GSE1: variants seen among roughly 807,000 people sequenced by gnomAD.
The protein encoded by GSE1 is genetic suppressor element 1.
In GSE1, 32 loss-of-function variants were observed where a neutral mutation model predicts 112.6. The observed-to-expected ratio is 0.28, with a 90% confidence interval of 0.21 to 0.38. The LOEUF (loss-of-function observed/expected upper bound fraction) is 0.38. GSE1 is among the 10% of genes least tolerant of loss of function. The pLI, the probability that GSE1 is intolerant of heterozygous loss-of-function variation, is 1.00. For missense variants in GSE1, 2,348 were observed against 1,699.2 expected, an observed-to-expected ratio of 1.38 and a Z score of -6.71; for synonymous variants, 1,115 against 735.6, an observed-to-expected ratio of 1.52 and a Z score of -8.35.
At chr16:85,195,347 A>C (rs2074906405) in intron 1 of GSE1, among the ~76,000 whole-genome samples, 2 of 152,114 alleles carry the variant, frequency 1.3e-5, no homozygotes, top group Non-Finnish European at 2.9e-5. Flanking sequence ...GAGAGGAGGA[A>C]ATCAGCAAGA....
chr16:85,294,457 A>T (rs889364045), intron 1 of GSE1, among the ~76,000 whole-genome samples: 4 of 151,948 alleles, frequency 2.6e-5, no homozygotes, highest in African/African-American at 7.3e-5. Context: ...CCGTCAATGG[A>T]GGGAGGTTGG....
Position 85,641,666 on chromosome 16 carries a change from G to C in GSE1, c.227-6886G>C, listed in dbSNP as rs564613889. On this transcript the variant is annotated intron_variant, in intron 2 of 15. Coordinates refer to ENST00000253458, the MANE Select transcript of GSE1 (RefSeq NM_014615.5). ...CCCAGCCTGTTCTTGTCACTTGTGCGATGGGGACTTCACCTTCCAGACCCG... is the reference window on the plus strand; with the variant it reads ...CCCAGCCTGTTCTTGTCACTTGTGCCATGGGGACTTCACCTTCCAGACCCG... Among the ~76,000 whole-genome samples, 59 of 152,390 alleles carry C rather than the reference G, an allele frequency of 3.9e-4. 1 individual carries two copies. The highest frequency in any genetic ancestry group is 6.8e-3 in the Middle Eastern group (2 of 294).
rs201503485 is a variant in GSE1, at chr16:85,666,485, C to T, written c.3130+138C>T. The T allele has an allele frequency of 1.2e-4, 89 of 764,102 alleles. 1 individual carries two copies. Among genetic ancestry groups the T allele is most frequent in the South Asian group, 4.4e-4 (25 of 56,552 alleles). The allele number at this position is 764,102 out of a possible 1,614,324, so 47.3% of individuals were successfully genotyped here. A position where few individuals can be genotyped will look rare whatever the true frequency, so the allele number is the denominator to read the frequency against. The stretch of plus-strand genomic sequence containing the variant: ...TCCAATCACCAGAAGAAAATAATTT[C>T]GTTATTATGCCAAAACCATGTTTGT... On this transcript the variant is annotated intron_variant, in intron 13 of 15. Coordinates refer to ENST00000253458, the MANE Select transcript of GSE1 (RefSeq NM_014615.5).
chr16:85,350,022 A>T (rs2046822524), intron 1 of GSE1, among the ~76,000 whole-genome samples: 1 of 152,126 alleles, frequency 6.6e-6, no homozygotes, highest in Non-Finnish European at 1.5e-5. Context: ...CTCGGCTCTC[A>T]CTGTGACCAG....
intron 2 of GSE1, among the ~76,000 whole-genome samples, chr16:85,383,607 G>A (rs569056108): frequency 7.3e-5 from 11 of 150,832 alleles, no homozygotes; most frequent in Non-Finnish European, 1.0e-4. Context: ...CTCCAGACCA[G>A]CCTGGGTGAC....
intron 3 of GSE1, among the ~76,000 whole-genome samples, chr16:85,650,809 A>G (rs1567720564): frequency 6.6e-6 from 1 of 151,514 alleles, no homozygotes; most frequent in Non-Finnish European, 1.5e-5. Context: ...ACCCGGCCCA[A>G]AGCTGTGGCC....
chr16:85,560,972 T>C (rs2045490514), intron 1 of GSE1, among the ~76,000 whole-genome samples: 1 of 151,832 alleles, frequency 6.6e-6, no homozygotes, highest in African/African-American at 2.4e-5. Flanking sequence ...CTACAAAAAA[T>C]GCAGAAACAA....
intron 1 of GSE1, among the ~76,000 whole-genome samples, chr16:85,182,493 T>G (rs935065833): frequency 5.9e-5 from 9 of 152,318 alleles, no homozygotes; most frequent in African/African-American, 2.2e-4. Context: ...AACCTCTTTC[T>G]CTTCCGGAAA....
chr16:85,639,983 G>A lies in GSE1; in HGVS notation c.226+5851G>A, dbSNP rs556276620. Among the ~76,000 whole-genome samples, 6 of 152,322 alleles carry A rather than the reference G, an allele frequency of 3.9e-5. No individual in the cohort carries two copies. The East Asian group carries it at 7.7e-4, about 20-fold the overall frequency. Reference sequence around the variant, plus strand: ...CCCTCCCTGGGAAACAGTTGGGGGCGATCGTGCTGCGGGCCTTTGCTCTGG... The same window carrying A: ...CCCTCCCTGGGAAACAGTTGGGGGCAATCGTGCTGCGGGCCTTTGCTCTGG... On this transcript the variant is annotated intron_variant, in intron 2 of 15. Transcript: ENST00000253458.
chr16:85,298,726 C>T (rs566553851), intron 1 of GSE1, among the ~76,000 whole-genome samples: 21 of 152,334 alleles, frequency 1.4e-4, no homozygotes, highest in African/African-American at 5.1e-4. Flanking sequence ...TGCACCTGGC[C>T]GAGACCTCAT....
chr16:85,258,611 C>G lies in GSE1; in HGVS notation c.2283+86804C>G, dbSNP rs369539690. Among the ~76,000 whole-genome samples the G allele has an allele frequency of 9.9e-5, 15 of 152,278 alleles. 1 individual carries two copies. The highest frequency in any genetic ancestry group is 3.1e-4 in the African/African-American group (13 of 41,560). On this transcript the variant is annotated intron_variant, in intron 1 of 2. Transcript: ENST00000637419. ...CTCTGCCCCCCAAGGCATCAGGAATCCCAGCGAGAGCCCCTTCTCCGCCTG... is the reference window on the plus strand; with the variant it reads ...CTCTGCCCCCCAAGGCATCAGGAATGCCAGCGAGAGCCCCTTCTCCGCCTG...
At chr16:85,602,488 G>A (rs925371990) in intron 1 of GSE1, among the ~76,000 whole-genome samples, 7 of 152,136 alleles carry the variant, frequency 4.6e-5, no homozygotes, top group South Asian at 4.1e-4. Flanking sequence ...CTGGTCTGCC[G>A]GTGTGAGCGA....
intron 1 of GSE1, among the ~76,000 whole-genome samples, chr16:85,206,517 C>T (rs998713162): frequency 6.6e-6 from 1 of 152,100 alleles, no homozygotes; most frequent in African/African-American, 2.4e-5. Flanking sequence ...TGGACACCCC[C>T]TCCCCAGGAA....
intron 2 of GSE1, among the ~76,000 whole-genome samples, chr16:85,500,585 C>T (rs571652526): frequency 6.4e-4 from 98 of 152,340 alleles, no homozygotes; most frequent in African/African-American, 2.4e-3. Flanking sequence ...TTTGGGCACG[C>T]TGCAGAGGGC....
intron 1 of GSE1, among the ~76,000 whole-genome samples, chr16:85,200,135 G>A (rs59898892): frequency 0.06 from 9,091 of 152,038 alleles, 864 homozygotes; most frequent in African/African-American, 0.2. Flanking sequence ...CTGACACCTT[G>A]TCACTCTTTC....
chr16:85,607,426 G>T (rs186469670), upstream of GSE1, among the ~76,000 whole-genome samples: 1 of 152,372 alleles, frequency 6.6e-6, no homozygotes, highest in African/African-American at 2.4e-5. Flanking sequence ...CGCTCACAAA[G>T]CGAGGCAATT....
intron 1 of GSE1, chr16:85,582,085 G>A (rs1330731537): frequency 1.3e-5 from 2 of 152,192 alleles, no homozygotes; most frequent in East Asian, 1.9e-4. Context: ...GGGCTCCTGG[G>A]GCGGAATTGG....
intron 2 of GSE1, among the ~76,000 whole-genome samples, chr16:85,515,289 C>T (rs1047729714): frequency 6.6e-6 from 1 of 152,234 alleles, no homozygotes; most frequent in Non-Finnish European, 1.5e-5. Context: ...AGGCAGTGCC[C>T]GGGGAGCCAG....
intron 2 of GSE1, among the ~76,000 whole-genome samples, chr16:85,487,615 C>G (rs2050882512): frequency 6.6e-6 from 1 of 152,190 alleles, no homozygotes; most frequent in South Asian, 2.1e-4. Context: ...GAGCCAGGCT[C>G]TCGAATCCAG....
Sources: allele counts gnomAD v4.1 joint callset (sites outside exome capture counted in the v4.1 genomes callset), GRCh38; gene constraint gnomAD v4.1.1; transcripts MANE v1.5; gene names NCBI Gene and HGNC (gene_info 2026-07-23, HGNC 2026-07-21).